Variants in PHGDH observed in about 807,000 individuals in gnomAD.
The protein encoded by PHGDH is D-3-phosphoglycerate dehydrogenase.
In PHGDH, 50 loss-of-function variants were observed where a neutral mutation model predicts 52.6. The observed-to-expected ratio is 0.95, with a 90% CI of 0.76 to 1.20. The LOEUF (loss-of-function observed/expected upper bound fraction) is 1.20. Ranked by LOEUF, PHGDH falls within the 50% of genes most tolerant of loss-of-function variation. The probability of loss-of-function intolerance (pLI) is 0.00; values close to 1 mark genes in which losing one functional copy is unlikely to be tolerated. For missense variants in PHGDH, 630 were observed against 684.6 expected, an observed-to-expected ratio of 0.92 and a Z score of 0.89; for synonymous variants, 271 against 280.5, an observed-to-expected ratio of 0.97 and a Z score of 0.34.
chr1:119,723,907 G>A (rs993300771), intron 3 of PHGDH, among the ~76,000 whole-genome samples: 1 of 151,930 alleles, frequency 6.6e-6, no homozygotes, highest in Non-Finnish European at 1.5e-5. Flanking sequence ...TGGCCCTCAG[G>A]GCTTATCTCT....
chr1:119,733,142 T>A (rs1365324635), intron 5 of PHGDH, among the ~76,000 whole-genome samples: 6 of 152,162 alleles, frequency 3.9e-5, no homozygotes, highest in Non-Finnish European at 8.8e-5. Context: ...GAGGTTCTTA[T>A]AGGGCGTGGG....
intron 6 of PHGDH, 183 bp from the exon 7 acceptor site, chr1:119,735,112 T>C (rs1447734584): frequency 3.9e-6 from 3 of 774,030 alleles, no homozygotes; most frequent in African/African-American, 1.7e-5. Context: ...CCCAGATCCA[T>C]AACAGGGACT....
chr1:119,742,245 C>T (rs1440215561), intron 10 of PHGDH: 12 of 389,662 alleles, frequency 3.1e-5, no homozygotes, highest in East Asian at 1.2e-4. Context: ...CTCCTCATGC[C>T]GTAGCACCCG....
At chr1:119,737,018 G>A (rs1571012810) in intron 7 of PHGDH, 96 bp from the exon 8 acceptor site, 3 of 1,213,024 alleles carry the variant, frequency 2.5e-6, no homozygotes, top group South Asian at 1.2e-5. Context: ...CAGAACTCCT[G>A]ACTGCCTTCC....
At chr1:119,727,559 G>A (rs1306661090) in intron 5 of PHGDH, 9 of 216,082 alleles carry the variant, frequency 4.2e-5, no homozygotes, top group South Asian at 3.8e-4. Context: ...GGCCGGGCGC[G>A]GTGGCTCACG....
intron 1 of PHGDH, among the ~76,000 whole-genome samples, chr1:119,715,282 T>A (rs1474521201): frequency 6.6e-6 from 1 of 152,254 alleles, no homozygotes; most frequent in Admixed American, 6.5e-5. Context: ...GGTAATGGTA[T>A]TTAATTTACT....
chr1:119,738,747 C>A (rs1165417593), intron 8 of PHGDH, among the ~76,000 whole-genome samples: 2 of 151,222 alleles, frequency 1.3e-5, no homozygotes, highest in African/African-American at 4.9e-5. Flanking sequence ...CTGAAAGGGA[C>A]TCCTGAATAT....
chr1:119,733,094 C>T (rs1346916291), intron 5 of PHGDH, among the ~76,000 whole-genome samples: 3 of 152,132 alleles, frequency 2.0e-5, no homozygotes, highest in Non-Finnish European at 4.4e-5. Context: ...CCGAGGGGAG[C>T]AGCAGTGTCT....
chr1:119,736,370 G>A (rs181940121), intron 7 of PHGDH, among the ~76,000 whole-genome samples: 55 of 152,304 alleles, frequency 3.6e-4, no homozygotes, highest in Middle Eastern at 3.4e-3. Flanking sequence ...GTACTTACAT[G>A]GTTACATGTG....
intron 1 of PHGDH, among the ~76,000 whole-genome samples, chr1:119,714,258 G>A (rs992531679): frequency 8.5e-5 from 13 of 152,066 alleles, no homozygotes; most frequent in African/African-American, 3.1e-4. Flanking sequence ...AGGAAGCTTC[G>A]GCAGCGTTGC....
chr1:119,726,010 T>C (rs1651392286), intron 3 of PHGDH, among the ~76,000 whole-genome samples: 1 of 152,120 alleles, frequency 6.6e-6, no homozygotes, highest in Non-Finnish European at 1.5e-5. Flanking sequence ...GTTTCTCAAA[T>C]CTTCCTTTTT....
At chr1:119,721,361 G>C (rs753803535) in intron 2 of PHGDH, 40 bp downstream of exon 2, 1 of 1,603,084 alleles carries the variant, frequency 6.2e-7, no homozygotes, top group South Asian at 1.1e-5. Context: ...GGGTAGGGGG[G>C]TGAGTGCGGA....
chr1:119,727,484 G>A lies in PHGDH; in HGVS notation c.510+382G>A, dbSNP rs1280934703. On this transcript the variant is annotated intron_variant, in intron 5 of 11. Transcript: ENST00000641023. ...GAATATTTTGAAAGTTAAGTGCAGAGTAGACAGTACACCTCGGGAGAGAGA... is the reference window on the plus strand; with the variant it reads ...GAATATTTTGAAAGTTAAGTGCAGAATAGACAGTACACCTCGGGAGAGAGA... 10 of 331,132 alleles carry A rather than the reference G, an allele frequency of 3.0e-5. No homozygotes were observed. In the East Asian group the frequency reaches 5.5e-4, roughly 18 times the overall value. The allele number at this position is 331,132 out of a possible 1,614,324, so 20.5% of individuals were successfully genotyped here.
At position 119,740,489 on chromosome 1, in the gene PHGDH, C is replaced by T. The variant is rs750274690; in HGVS notation, c.1049C>T (p.Pro350Leu). Residue 350 changes from proline (P) to leucine (L), a missense_variant, in exon 9 of 12, where the codon CCC becomes CTC. Coordinates refer to ENST00000641023, the MANE Select transcript of PHGDH (RefSeq NM_006623.4). ...GTLMRAWAGSPKGTIQVITQG... is the reference protein window; with the variant it reads ...GTLMRAWAGSLKGTIQVITQG... ...CTGATGCGAGCCTGGGCTGGGTCCC[C>T]CAAAGGGACCATCCAGGTGATAACA... The T allele has an allele frequency of 1.3e-6, 2 of 1,590,384 alleles. No individual in the cohort carries two copies. Among genetic ancestry groups the T allele is most frequent in the South Asian group, 2.3e-5 (2 of 87,600 alleles).
chr1:119,734,920 T>G (rs753893842), intron 6 of PHGDH, 154 bp downstream of exon 6: 3 of 835,074 alleles, frequency 3.6e-6, no homozygotes, highest in Non-Finnish European at 6.0e-6. Context: ...TAGACACCCC[T>G]ACGTTGGATA....
At chr1:119,712,613 G>A (rs1484743866) in intron 1 of PHGDH, 2 of 215,090 alleles carry the variant, frequency 9.3e-6, no homozygotes, top group Non-Finnish European at 1.9e-5. Flanking sequence ...CCAGGGACTG[G>A]CGATTCTTCC....
In PHGDH at chr1:119,744,037, C is replaced by T. The variant is rs778576636; in HGVS notation, c.1599C>T (p.Phe533=). The T allele has an allele frequency of 6.2e-6, 10 of 1,614,110 alleles. No homozygotes were observed. The highest frequency in any genetic ancestry group is 8.5e-6 in the Non-Finnish European group (10 of 1,179,964). ...QHVTEAFQFH[F] ...TGACTGAAGCCTTCCAGTTCCACTT[C>T]TAACCTTGGAGCTCACTGGTCCCTG... The change falls in exon 12 of 12, where the codon TTC becomes TTT. Residue 533 remains phenylalanine (F), a synonymous_variant. Coordinates refer to ENST00000641023, the MANE Select transcript of PHGDH (RefSeq NM_006623.4).
intron 11 of PHGDH, among the ~76,000 whole-genome samples, chr1:119,743,322 T>C (rs1005087127): frequency 6.6e-6 from 1 of 152,168 alleles, no homozygotes; most frequent in Non-Finnish European, 1.5e-5. Context: ...CAGCTTGCCA[T>C]GTTAGGTACA....
At chr1:119,719,389 G>A (rs1378104857) in intron 1 of PHGDH, among the ~76,000 whole-genome samples, 4 of 152,316 alleles carry the variant, frequency 2.6e-5, no homozygotes, top group African/African-American at 9.6e-5. Context: ...CTGTAAAATG[G>A]AGTTGGACCA....
Sources: gnomAD v4.1 joint callset for allele counts (sites outside exome capture counted in the v4.1 genomes callset) on GRCh38, gnomAD v4.1.1 for gene constraint, MANE v1.5 for transcripts, NCBI Gene and HGNC (gene_info 2026-07-23, HGNC 2026-07-21) for gene names.